The following SLC25A38 variants were observed in gnomAD, a reference collection of about 807,000 sequenced individuals.
The protein encoded by SLC25A38 is solute carrier family 25 member 38.
Under a neutral mutation model 33.4 loss-of-function variants are expected in SLC25A38, and 27 were observed. The ratio of observed to expected loss-of-function variants is 0.81; its 90% confidence interval spans 0.60 to 1.11. The LOEUF (loss-of-function observed/expected upper bound fraction) is 1.11, where lower values mean the gene tolerates loss of function less well. SLC25A38 is among the 50% of genes most tolerant of loss of function. SLC25A38 has a pLI of 0.00. For missense variants in SLC25A38, 344 were observed against 388.8 expected (o/e 0.88, Z 0.97); for synonymous variants, 123 against 145.9 (o/e 0.84, Z 1.13).
At chr3:39,396,273 G>T in intron 6 of SLC25A38, 125 bp from the exon 7 acceptor site, 1 of 1,469,292 alleles carries the variant, frequency 6.8e-7, no homozygotes, top group Non-Finnish European at 9.5e-7. Context: ...TTCTTACTTT[G>T]GGCATAAAGT....
intron 1 of SLC25A38, chr3:39,384,470 C>T (rs1490630912): frequency 5.2e-6 from 2 of 383,684 alleles, no homozygotes; most frequent in Non-Finnish European, 9.2e-6. Flanking sequence ...TGCCGCAGCT[C>T]TCCCTCTGAG....
intron 1 of SLC25A38, among the ~76,000 whole-genome samples, chr3:39,386,734 T>C (rs1381413062): frequency 6.6e-6 from 1 of 152,018 alleles, no homozygotes; most frequent in Non-Finnish European, 1.5e-5. Flanking sequence ...GAGAGCTGTT[T>C]TGGAGATAGA....
chr3:39,391,459 C>T lies in SLC25A38; in HGVS notation c.295C>T (p.Pro99Ser). Residue 99 changes from proline (P) to serine (S), a missense_variant, in exon 4 of 7, where the codon CCT becomes TCT. Physicochemically the swap from Pro to Ser is moderately conservative, Grantham distance 74. Coordinates refer to ENST00000650617, the MANE Select transcript of SLC25A38 (RefSeq NM_017875.4). Reference sequence around the variant, plus strand: ...TCTGCAGTCCATTGTGAGATGTGTCCCTGGCGTTGGAATCTACTTTGGCAC... The same window carrying T: ...TCTGCAGTCCATTGTGAGATGTGTCTCTGGCGTTGGAATCTACTTTGGCAC... ...GMSPSIVRCV[P>S]GVGIYFGTLY... The T allele has an allele frequency of 6.2e-7, 1 of 1,613,710 alleles. No homozygotes were observed. Among genetic ancestry groups the T allele is most frequent in the Non-Finnish European group, 8.5e-7 (1 of 1,180,022 alleles).
chr3:39,385,563 A>G (rs1308244211), intron 1 of SLC25A38, among the ~76,000 whole-genome samples: 9 of 151,926 alleles, frequency 5.9e-5, no homozygotes, highest in African/African-American at 2.2e-4. Context: ...GAGGTGGGGG[A>G]GATTAACCCA....
intron 2 of SLC25A38, 114 bp from the exon 3 acceptor site, chr3:39,390,309 T>C (rs1575244487): frequency 9.6e-7 from 1 of 1,039,322 alleles, no homozygotes; most frequent in Admixed American, 1.8e-5. Context: ...TTGTAGAGAT[T>C]GTTAAGTGTC....
chr3:39,394,962 G>GAA (rs34805179), intron 6 of SLC25A38, among the ~76,000 whole-genome samples: 16 of 147,924 alleles, frequency 1.1e-4, no homozygotes, highest in East Asian at 4.0e-4. Flanking sequence ...TAGTCAGAGG[G>GAA]AAAAAAAAAA....
At chr3:39,396,314 A>C (rs2041830254) in intron 6 of SLC25A38, 84 bp from the exon 7 acceptor site, 1 of 1,598,386 alleles carries the variant, frequency 6.3e-7, no homozygotes, top group Non-Finnish European at 8.6e-7. Flanking sequence ...ATGGGATAAC[A>C]GAGACCCTCA....
At chr3:39,384,512 T>A (rs947316844) in intron 1 of SLC25A38, 1 of 384,300 alleles carries the variant, frequency 2.6e-6, no homozygotes, top group Non-Finnish European at 4.6e-6. Flanking sequence ...CGGCTTTTAT[T>A]TTTTTTTTTA....
Position 39,383,510 on chromosome 3 carries a change from C to G in SLC25A38, c.-215C>G, listed in dbSNP as rs1004752756. On this transcript the variant is annotated 5_prime_UTR_variant, in exon 1 of 7. Transcript: ENST00000650617. ...CGGGTGAAGAGCGGCGCGTAATTCC[C>G]GCAGCAAGATTGTTCCGCGCCCGCA... 6.7e-6 allele frequency: 4 copies of G among 597,224 alleles called. No individual in the cohort carries two copies. The African/African-American group carries it at 7.5e-5, about 11-fold the overall frequency. The allele number at this position is 597,224 out of a possible 1,614,324, so 37.0% of individuals were successfully genotyped here.
rs774129317 is a variant in SLC25A38, at chr3:39,394,390, T to G, written c.626-20T>G. 2.5e-6 allele frequency: 4 copies of G among 1,612,102 alleles called. No individual in the cohort carries two copies. The African/African-American group carries it at 5.3e-5, about 22-fold the overall frequency. ...TTAATATAAGATCTATGTCCACATG[T>G]TACCTTTGTTCTATTTCAGACCAGG... On this transcript the variant is annotated intron_variant, in intron 5 of 6. Transcript: ENST00000650617.
At chr3:39,395,937 G>A (rs2041823263) in intron 6 of SLC25A38, among the ~76,000 whole-genome samples, 1 of 151,040 alleles carries the variant, frequency 6.6e-6, no homozygotes. Context: ...TTGGCCAAGC[G>A]CGGTAGCTCA....
intron 1 of SLC25A38, chr3:39,384,361 T>G: frequency 4.8e-4 from 119 of 249,902 alleles, no homozygotes; most frequent in Middle Eastern, 1.2e-3. Flanking sequence ...CGGGCCGCTA[T>G]TGGTGGAGGC....
In SLC25A38 at chr3:39,383,411, C is replaced by T. The variant is rs2041668996; in HGVS notation, c.-314C>T. ...TTCCTCCACCCCGGGATACACAGAA[C>T]CTCATCTCCTACGGTGCTGAAGCCT... On this transcript the variant is annotated 5_prime_UTR_variant, in exon 1 of 7. Coordinates refer to ENST00000650617, the MANE Select transcript of SLC25A38 (RefSeq NM_017875.4). The T allele has an allele frequency of 2.5e-6, 1 of 400,404 alleles. No homozygotes were observed. The highest frequency in any genetic ancestry group is 3.7e-5 in the Admixed American group (1 of 26,790). 24.8% of individuals were successfully genotyped at this position (400,404 alleles called of 1,614,324 possible). A position where few individuals can be genotyped will look rare whatever the true frequency, so the allele number is the denominator to read the frequency against.
chr3:39,384,390 G>T (rs568867854), intron 1 of SLC25A38: 2 of 316,620 alleles, frequency 6.3e-6, no homozygotes, highest in East Asian at 9.9e-5. Flanking sequence ...GGCTGGCGGC[G>T]TGGTTGCCCG....
At chr3:39,390,682 G>A (rs888779473) in intron 3 of SLC25A38, among the ~76,000 whole-genome samples, 175 bp downstream of exon 3, 7 of 152,298 alleles carry the variant, frequency 4.6e-5, no homozygotes, top group African/African-American at 1.7e-4. Context: ...GGGATATGTT[G>A]CATTTGCACA....
intron 1 of SLC25A38, chr3:39,388,590 G>A (rs1281760448): frequency 6.6e-6 from 1 of 152,214 alleles, no homozygotes; most frequent in East Asian, 1.9e-4. Context: ...TAAGGGAAGA[G>A]GTCTTTGGGG....
chr3:39,395,016 T>C (rs913563686), intron 6 of SLC25A38, among the ~76,000 whole-genome samples: 3 of 151,998 alleles, frequency 2.0e-5, no homozygotes, highest in Admixed American at 6.6e-5. Flanking sequence ...TGCTCTAATA[T>C]ACAGGTGTCT....
At position 39,389,371 on chromosome 3, in the gene SLC25A38, A is replaced by G. The variant is rs990812780; in HGVS notation, c.70-124A>G. 9 of 1,498,146 alleles carry G rather than the reference A, an allele frequency of 6.0e-6. No homozygotes were observed. Among genetic ancestry groups the G allele is most frequent in the Non-Finnish European group, 8.3e-6 (9 of 1,081,474 alleles). The allele number at this position is 1,498,146 out of a possible 1,614,324, so 92.8% of individuals were successfully genotyped here. Reference sequence around the variant, plus strand: ...TTTTTCCTTCTCCGAGGTATGAAGAAAACATGAGGCACCACCAGGTAAGTG... The same window carrying G: ...TTTTTCCTTCTCCGAGGTATGAAGAGAACATGAGGCACCACCAGGTAAGTG... On this transcript the variant is annotated intron_variant, in intron 1 of 6. Coordinates refer to ENST00000650617, the MANE Select transcript of SLC25A38 (RefSeq NM_017875.4). This position sits in a 1 kb window ranked among gnomAD's most constrained non-coding sequence, Gnocchi z 4.5.
In SLC25A38 at chr3:39,391,478, T is replaced by C. The variant is rs2041765849; in HGVS notation, c.314T>C (p.Phe105Ser). 6.2e-7 allele frequency: 1 copy of C among 1,614,028 alleles called. No individual in the cohort carries two copies. Among genetic ancestry groups the C allele is most frequent in the African/African-American group, 1.3e-5 (1 of 74,938 alleles). ...VRCVPGVGIYFGTLYSLKQYF... is the reference protein window; with the variant it reads ...VRCVPGVGIYSGTLYSLKQYF... ...TGTGTCCCTGGCGTTGGAATCTACT[T>C]TGGCACTCTCTACTCTTTGAAGCAG... Residue 105 changes from phenylalanine to serine, a missense_variant, in exon 4 of 7, where the codon TTT becomes TCT. Coordinates refer to ENST00000650617, the MANE Select transcript of SLC25A38 (RefSeq NM_017875.4).
Sources: allele counts gnomAD v4.1 joint callset (sites outside exome capture counted in the v4.1 genomes callset), GRCh38; gene constraint gnomAD v4.1.1; non-coding constraint Gnocchi (gnomAD v3.1); transcripts MANE v1.5; gene names NCBI Gene and HGNC (gene_info 2026-07-23, HGNC 2026-07-21).